UBE2E2: variants seen among roughly 807,000 people sequenced by gnomAD.
UBE2E2 encodes the protein ubiquitin-conjugating enzyme E2 E2.
UBE2E2 carries 6 observed loss-of-function variants against 24.7 expected under a neutral mutation model. That is an observed-to-expected ratio of 0.24 (90% CI 0.13 to 0.48). UBE2E2 has a LOEUF of 0.48. Ranked by LOEUF, UBE2E2 falls within the 20% of genes least tolerant of loss-of-function variation. The probability of loss-of-function intolerance (pLI) is 0.99; values close to 1 mark genes in which losing one functional copy is unlikely to be tolerated. For synonymous variants in UBE2E2, 104 were observed against 83.6 expected (o/e 1.24, Z -1.33); for missense variants, 169 against 245.0 (o/e 0.69, Z 2.07).
chr3:23,484,272 G>A (rs1403232713), intron 3 of UBE2E2, among the ~76,000 whole-genome samples: 1 of 152,112 alleles, frequency 6.6e-6, no homozygotes. Flanking sequence ...CTTTTATGAA[G>A]CCTTTCCCTG....
chr3:23,562,113 G>A (rs1277596497), intron 5 of UBE2E2, among the ~76,000 whole-genome samples: 4 of 152,130 alleles, frequency 2.6e-5, no homozygotes, highest in Non-Finnish European at 5.9e-5. Flanking sequence ...ATGTTGAATA[G>A]GAGTGGTGGG....
intron 3 of UBE2E2, among the ~76,000 whole-genome samples, chr3:23,468,531 T>C (rs1436776201): frequency 6.6e-6 from 1 of 152,190 alleles, no homozygotes; most frequent in Non-Finnish European, 1.5e-5. Context: ...TCGAGTACAA[T>C]ACTAACTACC....
At chr3:23,371,139 C>G (rs71322176) in intron 3 of UBE2E2, among the ~76,000 whole-genome samples, 1 of 152,148 alleles carries the variant, frequency 6.6e-6, no homozygotes, top group Non-Finnish European at 1.5e-5. Flanking sequence ...AAGTGATCCT[C>G]CCATTTCAGC....
intron 3 of UBE2E2, among the ~76,000 whole-genome samples, chr3:23,331,560 AC>A (rs768395461): frequency 6.6e-6 from 1 of 152,052 alleles, no homozygotes; most frequent in Non-Finnish European, 1.5e-5. Context: ...GACCTCTCTG[AC>A]AAAGTGACAC....
chr3:23,445,606 C>T (rs1024662383), intron 3 of UBE2E2, among the ~76,000 whole-genome samples: 2 of 152,198 alleles, frequency 1.3e-5, no homozygotes, highest in African/African-American at 4.8e-5. Context: ...TTGGCTAGAT[C>T]GGAAATCCTT....
At chr3:23,349,641 A>G (rs2125318283) in intron 3 of UBE2E2, among the ~76,000 whole-genome samples, 1 of 152,360 alleles carries the variant, frequency 6.6e-6, no homozygotes, top group East Asian at 1.9e-4. Context: ...CTAGCACAGC[A>G]GTCTGAGATC....
intron 3 of UBE2E2, among the ~76,000 whole-genome samples, chr3:23,239,461 A>G (rs945596434): frequency 8.6e-5 from 13 of 151,906 alleles, no homozygotes; most frequent in African/African-American, 7.3e-5. Flanking sequence ...GCTTCTGGCA[A>G]CCACGAATCG....
intron 3 of UBE2E2, among the ~76,000 whole-genome samples, chr3:23,266,213 C>T (rs967214261): frequency 3.3e-5 from 5 of 152,130 alleles, no homozygotes; most frequent in African/African-American, 7.2e-5. Context: ...TTATTTTGCT[C>T]ATTAGTTGAT....
chr3:23,392,499 T>A (rs1003378921), intron 3 of UBE2E2, among the ~76,000 whole-genome samples: 11 of 150,558 alleles, frequency 7.3e-5, no homozygotes, highest in African/African-American at 2.7e-4. Flanking sequence ...TCTTATAGTT[T>A]AAAAAAAAAC....
intron 3 of UBE2E2, among the ~76,000 whole-genome samples, chr3:23,411,345 A>G (rs941257971): frequency 6.6e-6 from 1 of 152,134 alleles, no homozygotes; most frequent in African/African-American, 2.4e-5. Flanking sequence ...ATGCCTCCAC[A>G]TCTGCTGGTC....
intron 3 of UBE2E2, among the ~76,000 whole-genome samples, chr3:23,431,585 T>C (rs942203213): frequency 2.0e-5 from 3 of 152,238 alleles, no homozygotes; most frequent in African/African-American, 7.2e-5. Context: ...TAACATTTTA[T>C]TTAATAGAGC....
chr3:23,528,341 T>A (rs1460504649), intron 4 of UBE2E2, among the ~76,000 whole-genome samples: 1 of 152,200 alleles, frequency 6.6e-6, no homozygotes, highest in Non-Finnish European at 1.5e-5. Flanking sequence ...TCTGCCAAGC[T>A]ACTGGTTTAG....
At position 23,418,372 on chromosome 3, in the gene UBE2E2, C is replaced by T. The variant is rs145371798; in HGVS notation, c.228-81236C>T. ...ATGCCCCACCCTCCATGGGCTGGAT[C>T]CGCTGTGTAACCAGTCCCAGTAAGA... is the stretch of plus-strand genomic sequence containing the variant. On this transcript the variant is annotated intron_variant, in intron 3 of 5. Coordinates refer to ENST00000396703, the MANE Select transcript of UBE2E2 (RefSeq NM_152653.4). Among the ~76,000 whole-genome samples the T allele has an allele frequency of 2.1e-3, 325 of 152,284 alleles. 1 individual carries two copies. Among genetic ancestry groups the T allele is most frequent in the African/African-American group, 7.0e-3 (292 of 41,576 alleles).
At chr3:23,296,270 C>CA (rs1559337315) in intron 3 of UBE2E2, among the ~76,000 whole-genome samples, 1 of 151,780 alleles carries the variant, frequency 6.6e-6, no homozygotes, top group Admixed American at 6.6e-5. Flanking sequence ...TTTCCAGTCA[C>CA]AAAAAAATAT....
intron 3 of UBE2E2, among the ~76,000 whole-genome samples, chr3:23,413,498 C>T (rs1250945962): frequency 6.6e-6 from 1 of 152,116 alleles, no homozygotes; most frequent in Non-Finnish European, 1.5e-5. Context: ...CCCAGCCAGT[C>T]TGTACTTTAT....
At chr3:23,565,100 T>C (rs1225462544) in intron 5 of UBE2E2, among the ~76,000 whole-genome samples, 1 of 152,146 alleles carries the variant, frequency 6.6e-6, no homozygotes, top group Admixed American at 6.6e-5. Context: ...CACGCTTTTG[T>C]TCCCATTATT....
intron 3 of UBE2E2, among the ~76,000 whole-genome samples, chr3:23,363,072 A>G (rs1696162616): frequency 6.6e-6 from 1 of 152,216 alleles, no homozygotes; most frequent in Non-Finnish European, 1.5e-5. Context: ...AAGGAGAAAT[A>G]AGATCCTTTT....
intron 3 of UBE2E2, among the ~76,000 whole-genome samples, chr3:23,284,890 CTGT>C (rs1698575532): frequency 6.7e-6 from 1 of 150,342 alleles, no homozygotes; most frequent in Middle Eastern, 3.2e-3. Flanking sequence ...TGTAGCCACC[CTGT>C]TGTTCTATCA....
At chr3:23,534,206 T>C (rs1215147182) in intron 5 of UBE2E2, 1 of 983,934 alleles carries the variant, frequency 1.0e-6, no homozygotes, top group Non-Finnish European at 1.2e-6. Flanking sequence ...ATGGAATCTG[T>C]TACCCTGAAT....
Sources: gnomAD v4.1 joint callset for allele counts (sites outside exome capture counted in the v4.1 genomes callset) on GRCh38, gnomAD v4.1.1 for gene constraint, MANE v1.5 for transcripts, NCBI Gene and HGNC (gene_info 2026-07-23, HGNC 2026-07-21) for gene names.